ITGAM: variants seen among roughly 807,000 people sequenced by gnomAD.
ITGAM encodes the protein integrin subunit alpha M, also known as integrin alpha-M.
ITGAM carries 79 observed loss-of-function variants against 137.5 expected under a neutral mutation model. The observed-to-expected ratio is 0.57, with a 90% CI of 0.48 to 0.69. The LOEUF is 0.69. Ranked by LOEUF, ITGAM falls within the 30% of genes least tolerant of loss-of-function variation. The pLI is 0.00. For synonymous variants in ITGAM, 583 were observed against 592.3 expected (o/e 0.98, Z 0.23); for missense variants, 1,343 against 1,483.5 (o/e 0.91, Z 1.56).
chr16:31,290,659 C>T (rs1301117034), intron 12 of ITGAM, among the ~76,000 whole-genome samples: 3 of 151,950 alleles, frequency 2.0e-5, no homozygotes, highest in African/African-American at 7.3e-5. Context: ...ATGCTTTTCA[C>T]CTAAAATTGG....
intron 12 of ITGAM, among the ~76,000 whole-genome samples, chr16:31,288,484 C>A (rs1208569948): frequency 6.6e-6 from 1 of 152,042 alleles, no homozygotes; most frequent in African/African-American, 2.4e-5. Flanking sequence ...CTTTGACAAA[C>A]CTGACAAAAA....
Position 31,321,241 on chromosome 16 carries a change from C to T in ITGAM, c.1708C>T (p.Arg570Trp), listed in dbSNP as rs375394349. Reference sequence around the variant, plus strand: ...CTCCACACCTCTTTTTTACCCTCAGCGGATAGCAGGCTCCAAGCTCTCTCC... The same window carrying T: ...CTCCACACCTCTTTTTTACCCTCAGTGGATAGCAGGCTCCAAGCTCTCTCC... ...GSGISPSHSQ[R>W]IAGSKLSPRL... The change falls in exon 15 of 30, where the codon CGG becomes TGG. Residue 570 changes from arginine (R) to tryptophan (W), a missense_variant and splice_region_variant. Arg to Trp is a moderately radical substitution (Grantham distance 101). Transcript: ENST00000544665. The T allele has an allele frequency of 5.9e-5, 95 of 1,613,586 alleles. No homozygotes were observed. Among genetic ancestry groups the T allele is most frequent in the East Asian group, 8.9e-5 (4 of 44,876 alleles).
rs2080551831 is a variant in ITGAM, at chr16:31,329,411, G to A, written c.2868+108G>A. The A allele has an allele frequency of 6.0e-6, 5 of 835,688 alleles. No individual in the cohort carries two copies. In the South Asian group the frequency reaches 7.2e-5, roughly 12 times the overall value. 51.8% of individuals were successfully genotyped at this position (835,688 alleles called of 1,614,324 possible). A position where few individuals can be genotyped will look rare whatever the true frequency, so the allele number is the denominator to read the frequency against. On this transcript the variant is annotated intron_variant, in intron 24 of 29. Coordinates refer to ENST00000544665, the MANE Select transcript of ITGAM (RefSeq NM_000632.4). ...AATGTGCGCAAGGCACCTGTGGTGTGCCAGGCTTGGTTCCACGCTGCTATC... is the reference window on the plus strand; with the variant it reads ...AATGTGCGCAAGGCACCTGTGGTGTACCAGGCTTGGTTCCACGCTGCTATC...
At chr16:31,297,283 C>A (rs1282965510) in intron 12 of ITGAM, among the ~76,000 whole-genome samples, 2 of 152,164 alleles carry the variant, frequency 1.3e-5, no homozygotes, top group Non-Finnish European at 2.9e-5. Flanking sequence ...CCTCCCACTT[C>A]AGCCCCCCGA....
chr16:31,323,389 G>A (rs1232777055), intron 16 of ITGAM, among the ~76,000 whole-genome samples: 1 of 147,798 alleles, frequency 6.8e-6, no homozygotes, highest in African/African-American at 2.5e-5. Context: ...TCGCCCCATT[G>A]CACTCCAGTC....
intron 12 of ITGAM, among the ~76,000 whole-genome samples, chr16:31,283,103 G>C (rs546707136): frequency 2.0e-5 from 3 of 152,288 alleles, no homozygotes; most frequent in Non-Finnish European, 4.4e-5. Context: ...TAGTCTGATG[G>C]GCTTCCCTTT....
At chr16:31,318,073 G>C (rs936743366) in intron 14 of ITGAM, among the ~76,000 whole-genome samples, 1 of 152,036 alleles carries the variant, frequency 6.6e-6, no homozygotes, top group African/African-American at 2.4e-5. Flanking sequence ...GGAGGTCTTT[G>C]ATTACTGATT....
intron 12 of ITGAM, among the ~76,000 whole-genome samples, chr16:31,296,661 T>C (rs1324562849): frequency 6.6e-6 from 1 of 152,102 alleles, no homozygotes; most frequent in South Asian, 2.1e-4. Flanking sequence ...CAGTTTGAAA[T>C]TGCTATACAC....
rs758951109 is a variant in ITGAM at position 31,266,098 on chromosome 16, T to C, written c.378T>C (p.Phe126=). ...ATGTGAAAGGGCTCTGCTTCCTGTT[T>C]GGATCCAACCTACGGCAGCAGCCCC... ...NTYVKGLCFL[F]GSNLRQQPQK... The change falls in exon 5 of 30, where the codon TTT becomes TTC. Residue 126 remains phenylalanine (F), a synonymous_variant. Coordinates refer to ENST00000544665, the MANE Select transcript of ITGAM (RefSeq NM_000632.4). The C allele has an allele frequency of 4.3e-6, 7 of 1,613,940 alleles. No homozygotes were observed. The highest frequency in any genetic ancestry group is 5.9e-6 in the Non-Finnish European group (7 of 1,179,876).
chr16:31,265,859 C>T lies in ITGAM; in HGVS notation c.287C>T (p.Thr96Ile). The T allele has an allele frequency of 1.2e-6, 2 of 1,613,962 alleles. No individual in the cohort carries two copies. The highest frequency in any genetic ancestry group is 1.7e-4 in the Middle Eastern group (1 of 6,054). Residue 96 changes from threonine to isoleucine, a missense_variant, in exon 4 of 30, where the codon ACC becomes ATC. By Grantham distance (89) the Thr-to-Ile change is moderately conservative. Coordinates refer to ENST00000544665, the MANE Select transcript of ITGAM (RefSeq NM_000632.4). ...TCCCTGGGCCTGTCCCTGGCAGCCA[C>T]CACCAGCCCCCCTCAGCTGCTGGTG... ...NMSLGLSLAA[T>I]TSPPQLLACG...
At chr16:31,263,130 A>G (rs906725697) in intron 2 of ITGAM, among the ~76,000 whole-genome samples, 8 of 151,982 alleles carry the variant, frequency 5.3e-5, no homozygotes, top group Non-Finnish European at 1.2e-4. Context: ...TTGTAGAGAC[A>G]GGGTTTCACC....
intron 5 of ITGAM, among the ~76,000 whole-genome samples, chr16:31,267,678 G>C (rs1415690595): frequency 6.6e-6 from 1 of 151,466 alleles, no homozygotes; most frequent in East Asian, 1.9e-4. Context: ...TTGGAGACAG[G>C]GTCTTGCTCT....
At chr16:31,294,527 A>G (rs950931798) in intron 12 of ITGAM, among the ~76,000 whole-genome samples, 19 of 152,152 alleles carry the variant, frequency 1.2e-4, no homozygotes, top group African/African-American at 4.1e-4. Context: ...TATGTGATGA[A>G]TCATATTTAT....
chr16:31,298,017 A>G (rs1345920085), intron 14 of ITGAM, 63 bp downstream of exon 14: 16 of 1,355,834 alleles, frequency 1.2e-5, no homozygotes, highest in Admixed American at 5.5e-5. Context: ...CTCCTAATTC[A>G]GTGTGCCCAC....
Position 31,329,851 on chromosome 16 carries a change from C to G in ITGAM, c.2922C>G (p.Pro974=), listed in dbSNP as rs373816008. ...CCATCAGCCTGGTGTTCTTGGTGCC[C>G]GTCCGGCTGAACCAGACTGTCATAT... The part of the protein sequence containing the change: ...SLPISLVFLV[P]VRLNQTVIWD... The change falls in exon 25 of 30, where the codon CCC becomes CCG. Residue 974 remains proline (P), a synonymous_variant. Coordinates refer to ENST00000544665, the MANE Select transcript of ITGAM (RefSeq NM_000632.4). The G allele has an allele frequency of 1.9e-6, 3 of 1,564,630 alleles. No individual in the cohort carries two copies. The highest frequency in any genetic ancestry group is 2.6e-6 in the Non-Finnish European group (3 of 1,154,562).
chr16:31,318,856 C>G (rs2080419333), intron 14 of ITGAM, among the ~76,000 whole-genome samples: 1 of 151,850 alleles, frequency 6.6e-6, no homozygotes, highest in Non-Finnish European at 1.5e-5. Flanking sequence ...GGTGTTTATC[C>G]CGAACTTTCC....
intron 23 of ITGAM, 50 bp from the exon 24 acceptor site, chr16:31,329,178 A>T: frequency 8.3e-7 from 1 of 1,197,694 alleles, no homozygotes; most frequent in Non-Finnish European, 1.2e-6. Flanking sequence ...ACACCCTCCC[A>T]GGGCACCCCT....
intron 14 of ITGAM, among the ~76,000 whole-genome samples, chr16:31,304,965 A>G (rs1329742328): frequency 6.6e-6 from 1 of 151,412 alleles, no homozygotes; most frequent in Non-Finnish European, 1.5e-5. Flanking sequence ...GTTCCATATG[A>G]GTTTTAGGAT....
rs1448538166 is a variant in ITGAM, at chr16:31,278,064, G to C, written c.1311G>C (p.Gln437His). Residue 437 changes from glutamine (Q) to histidine (H), a missense_variant, in exon 12 of 30, where the codon CAG (glutamine) becomes CAC (histidine). Transcript: ENST00000544665. ...QHIGLVAMFR[Q>H]NTGMWESNAN... ...TCGGCCTGGTAGCGATGTTCAGGCA[G>C]AACACTGGCATGTGGGAGTCCAACG... 6.2e-7 allele frequency: 1 copy of C among 1,608,610 alleles called. No homozygotes were observed.
Sources: allele counts gnomAD v4.1 joint callset (sites outside exome capture counted in the v4.1 genomes callset), GRCh38; gene constraint gnomAD v4.1.1; transcripts MANE v1.5; gene names NCBI Gene and HGNC (gene_info 2026-07-23, HGNC 2026-07-21).